Variants in NRXN1 observed in about 807,000 individuals in gnomAD.
NRXN1 encodes neurexin-1.
A neutral mutation model predicts 150.9 loss-of-function variants in NRXN1; 39 were observed. The observed-to-expected ratio is 0.26, with a 90% CI of 0.20 to 0.34. The LOEUF (loss-of-function observed/expected upper bound fraction) is 0.34, where lower values mean the gene tolerates loss of function less well. NRXN1 is among the 10% of genes least tolerant of loss of function. The probability of loss-of-function intolerance (pLI) is 1.00; values close to 1 mark genes in which losing one functional copy is unlikely to be tolerated. For missense variants in NRXN1, 1,815 were observed against 1,949.9 expected, an observed-to-expected ratio of 0.93 and a Z score of 1.30; for synonymous variants, 924 against 757.0, an observed-to-expected ratio of 1.22 and a Z score of -3.62.
intron 5 of NRXN1, among the ~76,000 whole-genome samples, chr2:50,845,635 A>G (rs60679025): frequency 0.09 from 13,684 of 152,128 alleles, 726 homozygotes; most frequent in African/African-American, 0.093. Context: ...CTCTAACTCT[A>G]CTGCCTAGAG....
At chr2:50,096,648 A>C (rs1700263326) in intron 18 of NRXN1, among the ~76,000 whole-genome samples, 1 of 152,226 alleles carries the variant, frequency 6.6e-6, no homozygotes, top group Non-Finnish European at 1.5e-5. Context: ...ATCTCTTATA[A>C]GAATATCAGT....
intron 21 of NRXN1, among the ~76,000 whole-genome samples, chr2:50,029,901 T>C (rs995539297): frequency 3.3e-5 from 5 of 152,142 alleles, no homozygotes; most frequent in African/African-American, 7.2e-5. Context: ...CAAAATATTA[T>C]TGTGACATTT....
At chr2:50,430,092 C>T (rs1028557447) in intron 17 of NRXN1, among the ~76,000 whole-genome samples, 1 of 152,124 alleles carries the variant, frequency 6.6e-6, no homozygotes, top group African/African-American at 2.4e-5. Flanking sequence ...AGAATGAATA[C>T]AGTACTCCCA....
At chr2:49,971,544 T>A (rs1479634904) in intron 21 of NRXN1, among the ~76,000 whole-genome samples, 1 of 152,140 alleles carries the variant, frequency 6.6e-6, no homozygotes, top group Non-Finnish European at 1.5e-5. Context: ...CAACCTTGAT[T>A]GTGCAAAGTC....
intron 5 of NRXN1, among the ~76,000 whole-genome samples, chr2:50,860,774 G>A (rs1676013778): frequency 6.6e-6 from 1 of 152,110 alleles, no homozygotes; most frequent in African/African-American, 2.4e-5. Flanking sequence ...CAGAGTGAGA[G>A]AGGATAGGCA....
chr2:50,478,748 T>C (rs1053461327), intron 15 of NRXN1, among the ~76,000 whole-genome samples: 2 of 152,198 alleles, frequency 1.3e-5, no homozygotes, highest in Admixed American at 6.5e-5. Flanking sequence ...TTTTCTAAAC[T>C]TTCATGTTGT....
At chr2:50,353,939 G>A (rs181833122) in intron 17 of NRXN1, among the ~76,000 whole-genome samples, 1 of 152,222 alleles carries the variant, frequency 6.6e-6, no homozygotes, top group East Asian at 1.9e-4. Context: ...CTGATAATTT[G>A]CATTTCTAAC....
At chr2:50,682,521 C>A (rs1690557052) in intron 5 of NRXN1, among the ~76,000 whole-genome samples, 1 of 152,134 alleles carries the variant, frequency 6.6e-6, no homozygotes. Flanking sequence ...ACTTGGTTGA[C>A]ACACATATGA....
intron 8 of NRXN1, among the ~76,000 whole-genome samples, chr2:50,554,175 T>TAC (rs1667905671): frequency 1.3e-5 from 2 of 152,166 alleles, no homozygotes; most frequent in African/African-American, 4.8e-5. Flanking sequence ...TGTATATGTA[T>TAC]ACACACATGT....
In NRXN1 at chr2:50,791,087, GT is replaced by G. The variant is rs371224258; in HGVS notation, c.832+130781del. The stretch of plus-strand genomic sequence containing the variant: ...CAGCAACTAAAAGTGGATTTATGTT[GT>G]TTTTTTTTTTCAGCAATAAGTAAAT... On this transcript the variant is annotated intron_variant, in intron 5 of 22. Coordinates refer to ENST00000401669, the MANE Select transcript of NRXN1 (RefSeq NM_001330078.2). Among the ~76,000 whole-genome samples, 274 of 119,460 alleles carry G rather than the reference GT, an allele frequency of 2.3e-3. 1 individual carries two copies. The Middle Eastern group carries it at 0.032, about 14-fold the overall frequency. 78.4% of individuals were successfully genotyped at this position (119,460 alleles called of 152,430 possible). A position where few individuals can be genotyped will look rare whatever the true frequency, so the allele number is the denominator to read the frequency against.
At chr2:49,991,231 C>A (rs11897428) in intron 21 of NRXN1, among the ~76,000 whole-genome samples, 72,932 of 151,626 alleles carry the variant, frequency 0.48, 18,020 homozygotes, top group Middle Eastern at 0.6. Flanking sequence ...TTACTAGCTA[C>A]TGCAATAAGA....
chr2:50,365,844 AT>A (rs997504025), intron 17 of NRXN1, among the ~76,000 whole-genome samples: 5 of 152,070 alleles, frequency 3.3e-5, no homozygotes, highest in African/African-American at 1.2e-4. Context: ...AACTGGAGTA[AT>A]GTTTTCTAAA....
intron 2 of NRXN1, among the ~76,000 whole-genome samples, chr2:50,940,400 G>A (rs928901053): frequency 5.3e-5 from 8 of 151,582 alleles, no homozygotes; most frequent in Admixed American, 2.0e-4. Flanking sequence ...GCTTGAACCC[G>A]GGAGGTGGAG....
intron 8 of NRXN1, among the ~76,000 whole-genome samples, chr2:50,614,280 T>C (rs1054993116): frequency 6.6e-6 from 1 of 152,094 alleles, no homozygotes; most frequent in African/African-American, 2.4e-5. Context: ...AAAGTAGCCC[T>C]CCCTCCTCTC....
At position 50,112,262 on chromosome 2, in the gene NRXN1, T is replaced by A. The variant is rs373226476; in HGVS notation, c.3547-20768A>T. On this transcript the variant is annotated intron_variant, in intron 18 of 22. Transcript: ENST00000401669. ...CCTACCTCTGCTGTGCAAAACACTT[T>A]ATCTTGGGCTTAAACTCCCTTGGGT... is the stretch of plus-strand genomic sequence containing the variant. Among the ~76,000 whole-genome samples, 10 of 152,328 alleles carry A rather than the reference T, an allele frequency of 6.6e-5. 1 individual carries two copies. Among genetic ancestry groups the A allele is most frequent in the African/African-American group, 2.2e-4 (9 of 41,572 alleles).
chr2:50,331,891 T>C (rs776044035), intron 17 of NRXN1, among the ~76,000 whole-genome samples: 1 of 152,198 alleles, frequency 6.6e-6, no homozygotes, highest in Non-Finnish European at 1.5e-5. Flanking sequence ...GTCTACATTA[T>C]AATCTCTTAA....
At chr2:50,930,545 A>G (rs1445859413) in intron 2 of NRXN1, among the ~76,000 whole-genome samples, 1 of 152,090 alleles carries the variant, frequency 6.6e-6, no homozygotes, top group Non-Finnish European at 1.5e-5. Context: ...TAATGAATTC[A>G]ATTTCAAATT....
intron 21 of NRXN1, among the ~76,000 whole-genome samples, chr2:49,952,357 T>A (rs923152844): frequency 2.0e-5 from 3 of 152,050 alleles, no homozygotes; most frequent in Non-Finnish European, 4.4e-5. Context: ...AGGAGGTGCA[T>A]ATTCACAGCT....
At chr2:50,126,032 G>A (rs1287293404) in intron 18 of NRXN1, among the ~76,000 whole-genome samples, 1 of 152,030 alleles carries the variant, frequency 6.6e-6, no homozygotes, top group Non-Finnish European at 1.5e-5. Flanking sequence ...ACAGAACGAA[G>A]CAGAACAATA....
Sources: gnomAD v4.1 joint callset for allele counts (sites outside exome capture counted in the v4.1 genomes callset) on GRCh38, gnomAD v4.1.1 for gene constraint, MANE v1.5 for transcripts, NCBI Gene and HGNC (gene_info 2026-07-23, HGNC 2026-07-21) for gene names.